Variants in ARHGAP8 observed in about 807,000 individuals in gnomAD.
ARHGAP8 encodes Rho GTPase activating protein 8, also known as rho GTPase-activating protein 8.
Under a neutral mutation model 46.1 loss-of-function variants are expected in ARHGAP8, and 62 were observed. That is an observed-to-expected ratio of 1.34 (90% CI 1.10 to 1.66). The LOEUF is 1.66. Among genes scored for constraint, ARHGAP8 ranks in the 40% most tolerant of loss-of-function variants. The pLI, the probability that ARHGAP8 is intolerant of heterozygous loss-of-function variation, is 0.00. For synonymous variants in ARHGAP8, 375 were observed against 243.1 expected (o/e 1.54, Z -5.05); for missense variants, 923 against 568.4 (o/e 1.62, Z -6.34).
intron 10 of ARHGAP8, 128 bp from the exon 11 acceptor site, chr22:44,859,603 C>G: frequency 3.0e-6 from 3 of 1,004,738 alleles, no homozygotes; most frequent in Non-Finnish European, 4.5e-6. Flanking sequence ...GTGGGGGTCC[C>G]AAGCCCAAAT....
intron 2 of ARHGAP8, among the ~76,000 whole-genome samples, chr22:44,792,212 A>G (rs1927745333): frequency 6.6e-6 from 1 of 152,040 alleles, no homozygotes; most frequent in African/African-American, 2.4e-5. Flanking sequence ...GGGTTTCATC[A>G]TGTTGGTCAG....
intron 10 of ARHGAP8, 100 bp from the exon 11 acceptor site, chr22:44,859,631 C>T (rs1481538728): frequency 3.8e-6 from 5 of 1,313,110 alleles, no homozygotes; most frequent in African/African-American, 1.5e-5. Context: ...AGTCCATCCT[C>T]AGAGCTGTCC....
intron 1 of ARHGAP8, among the ~76,000 whole-genome samples, chr22:44,769,800 C>A (rs1306715808): frequency 2.6e-5 from 4 of 152,192 alleles, no homozygotes; most frequent in Admixed American, 6.5e-5. Context: ...GAAACAGTTT[C>A]ATTGATTCAA....
intron 1 of ARHGAP8, among the ~76,000 whole-genome samples, chr22:44,782,252 G>T (rs546868126): frequency 6.6e-6 from 1 of 152,232 alleles, no homozygotes; most frequent in African/African-American, 2.4e-5. Flanking sequence ...CAGGAGAATC[G>T]CTTGAACCGG....
intron 1 of ARHGAP8, among the ~76,000 whole-genome samples, chr22:44,763,187 G>A (rs547918304): frequency 6.6e-6 from 1 of 152,144 alleles, no homozygotes; most frequent in South Asian, 2.1e-4. Flanking sequence ...GGTTCCCAGA[G>A]CAAACTTAGA....
intron 5 of ARHGAP8, among the ~76,000 whole-genome samples, chr22:44,817,129 C>G (rs1158107802): frequency 6.8e-6 from 1 of 147,022 alleles, no homozygotes; most frequent in South Asian, 2.2e-4. Flanking sequence ...CAGGTTGATC[C>G]ACCCGCCTCG....
chr22:44,813,695 A>C (rs1435571028), intron 4 of ARHGAP8, among the ~76,000 whole-genome samples: 1 of 151,250 alleles, frequency 6.6e-6, no homozygotes, highest in African/African-American at 2.4e-5. Flanking sequence ...ATACCTACAC[A>C]TATGTAGGTA....
At chr22:44,854,588 A>G (rs1365437327) in intron 10 of ARHGAP8, among the ~76,000 whole-genome samples, 2 of 152,006 alleles carry the variant, frequency 1.3e-5, no homozygotes, top group East Asian at 1.9e-4. Flanking sequence ...ATAAAGATGT[A>G]TGCTTGGATT....
At chr22:44,851,762 C>T (rs1350565279) in intron 10 of ARHGAP8, among the ~76,000 whole-genome samples, 1 of 151,800 alleles carries the variant, frequency 6.6e-6, no homozygotes, top group African/African-American at 2.4e-5. Flanking sequence ...TCACCTGAGC[C>T]TGGGAGTTGG....
chr22:44,787,679 T>G (rs1029888474), intron 2 of ARHGAP8, among the ~76,000 whole-genome samples: 3 of 152,112 alleles, frequency 2.0e-5, no homozygotes, highest in Non-Finnish European at 2.9e-5. Context: ...AGCATGCATT[T>G]CTCCCATGGG....
intron 2 of ARHGAP8, among the ~76,000 whole-genome samples, chr22:44,787,942 C>CTTTTT (rs1569145142): frequency 1.2e-4 from 9 of 78,148 alleles, no homozygotes; most frequent in African/African-American, 5.4e-4. Context: ...TTTTTTTTTC[C>CTTTTT]CCCCAAATGT....
chr22:44,758,622 G>A (rs132448), intron 1 of ARHGAP8, among the ~76,000 whole-genome samples: 3,627 of 150,184 alleles, frequency 0.024, 71 homozygotes, highest in Middle Eastern at 0.068. Flanking sequence ...GTAGTGGGGA[G>A]GGGGGGAACA....
At chr22:44,784,879 G>A (rs1481801129) in intron 1 of ARHGAP8, among the ~76,000 whole-genome samples, 1 of 152,162 alleles carries the variant, frequency 6.6e-6, no homozygotes, top group Admixed American at 6.5e-5. Context: ...TTGACTGACT[G>A]GAAGGAGGGG....
chr22:44,823,118 T>C (rs1476393887), intron 6 of ARHGAP8, among the ~76,000 whole-genome samples: 1 of 152,182 alleles, frequency 6.6e-6, no homozygotes, highest in Non-Finnish European at 1.5e-5. Context: ...CTGGTAGCCT[T>C]GCAGGGGTAA....
intron 5 of ARHGAP8, 151 bp downstream of exon 5, chr22:44,814,909 G>T (rs1929626597): frequency 1.1e-6 from 1 of 893,168 alleles, no homozygotes; most frequent in Non-Finnish European, 1.7e-6. Context: ...GGGGTCTGCG[G>T]GGGGTCACAA....
At chr22:44,858,646 C>A (rs1271603566) in intron 10 of ARHGAP8, among the ~76,000 whole-genome samples, 2 of 146,430 alleles carry the variant, frequency 1.4e-5, no homozygotes, top group African/African-American at 2.5e-5. Flanking sequence ...GTTGGGATTA[C>A]AGGCATGAGC....
At chr22:44,813,336 C>T (rs1929476348) in intron 4 of ARHGAP8, among the ~76,000 whole-genome samples, 1 of 151,608 alleles carries the variant, frequency 6.6e-6, no homozygotes, top group East Asian at 1.9e-4. Context: ...CATACAGACA[C>T]CTACATATAC....
rs150114483 is a variant in ARHGAP8, at chr22:44,847,651, C to G, written c.671-322C>G. Among the ~76,000 whole-genome samples, 37 of 152,240 alleles carry G rather than the reference C, an allele frequency of 2.4e-4. No individual in the cohort carries two copies. The East Asian group carries it at 6.8e-3, about 28-fold the overall frequency. On this transcript the variant is annotated intron_variant, in intron 8 of 11. Coordinates refer to ENST00000356099, the MANE Select transcript of ARHGAP8 (RefSeq NM_181335.3). ...TCTGCAGCCCTTGGAGACAGGAGCT[C>G]ATGGCCTTATTCTGTAGATAAACAA...
intron 1 of ARHGAP8, 151 bp from the exon 2 acceptor site, chr22:44,786,306 C>A: frequency 2.5e-6 from 3 of 1,199,674 alleles, no homozygotes; most frequent in Non-Finnish European, 1.1e-6. Context: ...TCGGCTGAGG[C>A]AGGGCGCGTA....
Sources: gnomAD v4.1 joint callset for allele counts (sites outside exome capture counted in the v4.1 genomes callset) on GRCh38, gnomAD v4.1.1 for gene constraint, MANE v1.5 for transcripts, NCBI Gene and HGNC (gene_info 2026-07-23, HGNC 2026-07-21) for gene names.